PTPRD: variants seen among roughly 807,000 people sequenced by gnomAD.
PTPRD encodes protein tyrosine phosphatase receptor type D.
PTPRD carries 34 observed loss-of-function variants against 214.5 expected under a neutral mutation model. The observed-to-expected ratio is 0.16, with a 90% CI of 0.12 to 0.21. The LOEUF is 0.21. Among genes scored for constraint, PTPRD ranks in the 10% least tolerant of loss-of-function variants. The probability of loss-of-function intolerance (pLI) is 1.00; values close to 1 mark genes in which losing one functional copy is unlikely to be tolerated. For missense variants in PTPRD, 2,545 were observed against 2,398.7 expected (o/e 1.06, Z -1.27); for synonymous variants, 1,128 against 845.7 (o/e 1.33, Z -5.79).
intron 2 of PTPRD, among the ~76,000 whole-genome samples, chr9:10,377,464 C>T (rs887740821): frequency 2.0e-5 from 3 of 151,878 alleles, no homozygotes; most frequent in Non-Finnish European, 4.4e-5. Context: ...CAACAGGCCC[C>T]GGTGTGTGAT....
At chr9:8,710,557 G>C (rs201793389) in intron 12 of PTPRD, among the ~76,000 whole-genome samples, 9 of 152,208 alleles carry the variant, frequency 5.9e-5, no homozygotes, top group South Asian at 2.1e-4. Context: ...TCGAGGCTGA[G>C]GTTAGCAGTG....
At chr9:9,779,109 T>C (rs1050727335) in intron 5 of PTPRD, among the ~76,000 whole-genome samples, 2 of 46,228 alleles carry the variant, frequency 4.3e-5, no homozygotes, top group African/African-American at 2.0e-4. Context: ...AAAAAAGCAA[T>C]GGGGAAAGGA....
At chr9:10,019,409 C>T (rs994082762) in intron 4 of PTPRD, among the ~76,000 whole-genome samples, 7 of 152,190 alleles carry the variant, frequency 4.6e-5, no homozygotes, top group South Asian at 2.1e-4. Context: ...CCATTTGACC[C>T]AGCCATCCCA....
intron 2 of PTPRD, among the ~76,000 whole-genome samples, chr9:10,555,172 A>G (rs2062241239): frequency 6.6e-6 from 1 of 152,176 alleles, no homozygotes; most frequent in Non-Finnish European, 1.5e-5. Flanking sequence ...CTGCAACCTA[A>G]AATATCTAAA....
intron 43 of PTPRD, among the ~76,000 whole-genome samples, chr9:8,333,314 C>T (rs936385279): frequency 1.3e-5 from 2 of 152,020 alleles, no homozygotes; most frequent in Non-Finnish European, 2.9e-5. Flanking sequence ...CATTTCTGAC[C>T]ACAGTTGCTT....
intron 12 of PTPRD, among the ~76,000 whole-genome samples, chr9:8,709,757 G>C (rs1248541046): frequency 1.3e-5 from 2 of 152,070 alleles, no homozygotes; most frequent in African/African-American, 2.4e-5. Context: ...TAATGGAAGA[G>C]TCAGTCTACA....
chr9:9,428,760 C>T (rs552964189), intron 8 of PTPRD, among the ~76,000 whole-genome samples: 194 of 152,188 alleles, frequency 1.3e-3, no homozygotes, highest in Middle Eastern at 3.4e-3. Flanking sequence ...CACTCAAAAC[C>T]GCTCAACTAC....
At chr9:9,985,101 C>A (rs1566928939) in intron 4 of PTPRD, among the ~76,000 whole-genome samples, 2 of 152,240 alleles carry the variant, frequency 1.3e-5, no homozygotes, top group South Asian at 2.1e-4. Context: ...AGTTAAATAT[C>A]ATGAAATAAC....
chr9:10,079,823 G>A (rs1027728230), intron 3 of PTPRD, among the ~76,000 whole-genome samples: 5 of 151,916 alleles, frequency 3.3e-5, no homozygotes, highest in Non-Finnish European at 5.9e-5. Flanking sequence ...TAGGTCTATT[G>A]TCACCGACCC....
intron 9 of PTPRD, among the ~76,000 whole-genome samples, chr9:9,359,562 C>G (rs1052174526): frequency 1.5e-4 from 22 of 151,062 alleles, no homozygotes; most frequent in Admixed American, 1.4e-3. Context: ...TAATTATTAC[C>G]CCTCCCAATT....
chr9:9,227,470 A>G (rs1188956376), intron 9 of PTPRD, among the ~76,000 whole-genome samples: 1 of 152,124 alleles, frequency 6.6e-6, no homozygotes, highest in Non-Finnish European at 1.5e-5. Flanking sequence ...TTTTGTGATA[A>G]CTGTGGCTTA....
intron 11 of PTPRD, among the ~76,000 whole-genome samples, chr9:8,770,213 G>T (rs901912551): frequency 6.6e-6 from 1 of 151,988 alleles, no homozygotes; most frequent in Non-Finnish European, 1.5e-5. Flanking sequence ...ACCGGGAGAA[G>T]TGGAGGTTGC....
At chr9:8,931,640 A>G (rs561949952) in intron 11 of PTPRD, among the ~76,000 whole-genome samples, 1 of 152,160 alleles carries the variant, frequency 6.6e-6, no homozygotes, top group East Asian at 1.9e-4. Flanking sequence ...TATTTCATTG[A>G]GCAGCCAGGT....
chr9:9,015,606 G>A (rs1487775310), intron 11 of PTPRD, among the ~76,000 whole-genome samples: 1 of 152,120 alleles, frequency 6.6e-6, no homozygotes, highest in Non-Finnish European at 1.5e-5. Flanking sequence ...TAATAAATTT[G>A]TTTTCACTTT....
At chr9:10,117,333 A>C (rs935884560) in intron 3 of PTPRD, among the ~76,000 whole-genome samples, 3 of 152,104 alleles carry the variant, frequency 2.0e-5, no homozygotes. Context: ...CATACTTGTT[A>C]ACTGAAAGTG....
At chr9:9,035,283 G>C (rs1160217048) in intron 10 of PTPRD, among the ~76,000 whole-genome samples, 1 of 151,940 alleles carries the variant, frequency 6.6e-6, no homozygotes, top group Non-Finnish European at 1.5e-5. Context: ...CTCCCTTTTT[G>C]TCAGAACGTG....
chr9:8,943,065 G>A (rs1373807343), intron 11 of PTPRD, among the ~76,000 whole-genome samples: 1 of 151,808 alleles, frequency 6.6e-6, no homozygotes, highest in Non-Finnish European at 1.5e-5. Context: ...AAATATGTAG[G>A]AATTAACCAA....
At chr9:9,893,475 A>G (rs2074041081) in intron 5 of PTPRD, among the ~76,000 whole-genome samples, 1 of 152,132 alleles carries the variant, frequency 6.6e-6, no homozygotes, top group Non-Finnish European at 1.5e-5. Context: ...TATTTCTAAT[A>G]GATTTCTGCT....
At chr9:9,367,298 T>A (rs1161371759) in intron 9 of PTPRD, among the ~76,000 whole-genome samples, 1 of 151,530 alleles carries the variant, frequency 6.6e-6, no homozygotes, top group Non-Finnish European at 1.5e-5. Context: ...CAGGTAAAAG[T>A]ATCATTTCAA....
Sources: gnomAD v4.1 joint callset for allele counts (sites outside exome capture counted in the v4.1 genomes callset) on GRCh38, gnomAD v4.1.1 for gene constraint, MANE v1.5 for transcripts, NCBI Gene and HGNC (gene_info 2026-07-23, HGNC 2026-07-21) for gene names.